The following TRPM3 variants were observed in gnomAD, a reference collection of about 807,000 sequenced individuals.
TRPM3 encodes the protein transient receptor potential cation channel subfamily M member 3.
A neutral mutation model predicts 181.2 loss-of-function variants in TRPM3; 77 were observed. The observed-to-expected ratio is 0.42, with a 90% confidence interval of 0.35 to 0.51. The LOEUF is 0.51. Among genes scored for constraint, TRPM3 ranks in the 20% least tolerant of loss-of-function variants. The probability of loss-of-function intolerance (pLI) is 0.01; values close to 1 mark genes in which losing one functional copy is unlikely to be tolerated. For synonymous variants in TRPM3, 745 were observed against 796.4 expected (o/e 0.94, Z 1.09); for missense variants, 1,759 against 2,196.7 (o/e 0.80, Z 3.98).
At chr9:71,345,596 G>C (rs1454053378) in intron 1 of TRPM3, among the ~76,000 whole-genome samples, 2 of 151,992 alleles carry the variant, frequency 1.3e-5, no homozygotes, top group Admixed American at 6.6e-5. Flanking sequence ...TCGGGGGGTG[G>C]GGGGCAAGGG....
chr9:70,565,195 T>G, intron 22 of TRPM3, among the ~76,000 whole-genome samples: 1 of 152,236 alleles, frequency 6.6e-6, no homozygotes, highest in East Asian at 1.9e-4. Context: ...CACCCTTGTA[T>G]AGTGGGCTAA....
chr9:70,783,922 C>T (rs2083021221), intron 7 of TRPM3, 183 bp downstream of exon 7: 3 of 1,344,262 alleles, frequency 2.2e-6, no homozygotes, highest in Non-Finnish European at 2.9e-6. Context: ...CTTCACAGGA[C>T]ATTTAGAATA....
At chr9:70,922,562 GA>G (rs2096668561) in intron 1 of TRPM3, among the ~76,000 whole-genome samples, 1 of 152,156 alleles carries the variant, frequency 6.6e-6, no homozygotes, top group African/African-American at 2.4e-5. Context: ...GTCTTCTGCA[GA>G]TATCCTTTCT....
At chr9:71,228,751 C>A (rs879843877) in intron 1 of TRPM3, among the ~76,000 whole-genome samples, 13 of 151,958 alleles carry the variant, frequency 8.6e-5, no homozygotes, top group Non-Finnish European at 1.8e-4. Flanking sequence ...TAGGAATTAA[C>A]TGAACCAAAG....
chr9:71,411,253 G>A lies in TRPM3; in HGVS notation c.183+35400C>T, dbSNP rs143664186. 5.6e-3 allele frequency among the ~76,000 whole-genome samples: 859 copies of A among 152,224 alleles called. 13 individuals carry two copies. Among genetic ancestry groups the A allele is most frequent in the African/African-American group, 0.019 (808 of 41,524 alleles). ...ACACAGTGTTGGAAGTTCTGGCCAGGGCCATCAGACAGGAGAAAGAAATAA... is the reference window on the plus strand; with the variant it reads ...ACACAGTGTTGGAAGTTCTGGCCAGAGCCATCAGACAGGAGAAAGAAATAA... On this transcript the variant is annotated intron_variant, in intron 1 of 24. Transcript: ENST00000357533.
intron 6 of TRPM3, among the ~76,000 whole-genome samples, chr9:70,797,692 G>T (rs2087552576): frequency 6.6e-6 from 1 of 152,138 alleles, no homozygotes; most frequent in African/African-American, 2.4e-5. Flanking sequence ...CACACCCTTG[G>T]ACGTTCTCTG....
At chr9:71,348,773 G>A (rs1300831109) in intron 1 of TRPM3, among the ~76,000 whole-genome samples, 1 of 151,810 alleles carries the variant, frequency 6.6e-6, no homozygotes. Context: ...GTTTCACCAT[G>A]TTGGCCAGGC....
At chr9:70,644,067 C>G (rs1226824051) in intron 9 of TRPM3, among the ~76,000 whole-genome samples, 1 of 152,160 alleles carries the variant, frequency 6.6e-6, no homozygotes, top group African/African-American at 2.4e-5. Context: ...ATTCATTTAT[C>G]TCATCAACAG....
chr9:70,775,504 G>A (rs1422494849), intron 7 of TRPM3: 2 of 152,160 alleles, frequency 1.3e-5, no homozygotes, highest in South Asian at 2.1e-4. Context: ...TGGATCTTGA[G>A]TCCAAGCAAA....
chr9:70,897,552 A>G (rs2096296179), intron 1 of TRPM3, among the ~76,000 whole-genome samples: 1 of 152,094 alleles, frequency 6.6e-6, no homozygotes, highest in African/African-American at 2.4e-5. Context: ...TATTACATCA[A>G]ACAGTTGTAA....
intron 1 of TRPM3, among the ~76,000 whole-genome samples, chr9:71,257,517 T>G (rs930915294): frequency 1.3e-5 from 2 of 152,182 alleles, no homozygotes; most frequent in African/African-American, 4.8e-5. Context: ...TGTGTGATAG[T>G]AATGGCAAAA....
intron 1 of TRPM3, among the ~76,000 whole-genome samples, chr9:71,406,964 T>A (rs562085419): frequency 1.3e-5 from 2 of 152,178 alleles, no homozygotes; most frequent in Non-Finnish European, 2.9e-5. Context: ...GAAAAACTTA[T>A]GTTGAGGACA....
At chr9:70,842,821 T>A (rs1191116019) in intron 5 of TRPM3, 182 bp downstream of exon 5, 2 of 585,334 alleles carry the variant, frequency 3.4e-6, no homozygotes, top group African/African-American at 3.8e-5. Context: ...TGACCTGGAG[T>A]TTGCCTAGAG....
At chr9:71,401,291 G>T (rs1300090057) in intron 1 of TRPM3, among the ~76,000 whole-genome samples, 11 of 152,078 alleles carry the variant, frequency 7.2e-5, no homozygotes, top group Non-Finnish European at 1.6e-4. Flanking sequence ...ACACACGTGG[G>T]GTGGAAGGAA....
At chr9:71,289,350 G>C (rs752534790) in intron 1 of TRPM3, among the ~76,000 whole-genome samples, 2 of 152,068 alleles carry the variant, frequency 1.3e-5, no homozygotes, top group Non-Finnish European at 2.9e-5. Flanking sequence ...AAAACTTCTA[G>C]AGATAAAGCC....
chr9:70,971,336 C>A (rs1455407031), intron 1 of TRPM3, among the ~76,000 whole-genome samples: 33 of 152,150 alleles, frequency 2.2e-4, no homozygotes, highest in Admixed American at 2.1e-3. Flanking sequence ...ATAGCTGACA[C>A]CCATCAACAT....
chr9:70,977,775 G>C (rs1335302411), intron 1 of TRPM3, among the ~76,000 whole-genome samples: 2 of 152,162 alleles, frequency 1.3e-5, no homozygotes, highest in Non-Finnish European at 2.9e-5. Context: ...TGGTTTGTTA[G>C]AAAGAACACA....
chr9:71,105,180 T>G (rs951643869), intron 1 of TRPM3, among the ~76,000 whole-genome samples: 2 of 152,206 alleles, frequency 1.3e-5, no homozygotes, highest in Admixed American at 6.5e-5. Flanking sequence ...GCTTGTTGAG[T>G]GGAAGAAGGC....
At chr9:70,701,950 T>A (rs372387293) in intron 8 of TRPM3, among the ~76,000 whole-genome samples, 4,540 of 138,146 alleles carry the variant, frequency 0.033, 110 homozygotes, top group Non-Finnish European at 0.047. Context: ...CTACTGAAAG[T>A]CACATGGCTA....
Sources: gnomAD v4.1 joint callset for allele counts (sites outside exome capture counted in the v4.1 genomes callset) on GRCh38, gnomAD v4.1.1 for gene constraint, MANE v1.5 for transcripts, NCBI Gene and HGNC (gene_info 2026-07-23, HGNC 2026-07-21) for gene names.